AARSD1: variants seen among roughly 807,000 people sequenced by gnomAD.
AARSD1 encodes the protein alanyl-tRNA editing protein Aarsd1.
A neutral mutation model predicts 48.7 loss-of-function variants in AARSD1; 44 were observed. The observed-to-expected ratio is 0.90, with a 90% CI of 0.71 to 1.16. The LOEUF (loss-of-function observed/expected upper bound fraction) is 1.16. Among genes scored for constraint, AARSD1 ranks in the 50% most tolerant of loss-of-function variants. AARSD1 has a pLI of 0.00. For synonymous variants in AARSD1, 189 were observed against 194.9 expected (o/e 0.97, Z 0.25); for missense variants, 511 against 523.1 (o/e 0.98, Z 0.23).
At chr17:42,960,946 T>G (rs972937831) in intron 3 of AARSD1, 2 of 507,664 alleles carry the variant, frequency 3.9e-6, no homozygotes, top group Non-Finnish European at 6.3e-6. Flanking sequence ...GACATCCAGA[T>G]GGAGATATCG....
chr17:42,956,518 G>C lies in AARSD1; in HGVS notation c.432C>G (p.Pro144=), dbSNP rs763818872. 1 of 1,614,004 alleles carries C rather than the reference G, an allele frequency of 6.2e-7. No homozygotes were observed. The highest frequency in any genetic ancestry group is 2.2e-5 in the East Asian group (1 of 44,880). Residue 144 remains proline (P), a synonymous_variant, in exon 5 of 12, where the codon CCC becomes CCG. Transcript: ENST00000427569. ...RFRSAIELDT[P]SMTAEQVAAI... ...CAGCTACTTGCTCTGCAGTCATAGA[G>C]GGGGTGTCCAGCTCAATCGCACTCC...
At position 42,961,334 on chromosome 17, in the gene AARSD1, T is replaced by G; in HGVS notation, c.189A>C (p.Thr63=). The part of the protein sequence containing the change: ...EGGGQPDDRG[T]INDISVLRVT... ...CTCTCAGCACAGAGATGTCATTGAT[T>G]GTACCACGGTCATCAGGCTGGTGGA... Residue 63 remains threonine (T), a synonymous_variant, in exon 3 of 12, where the codon ACA becomes ACC. Transcript: ENST00000427569. 6.2e-7 allele frequency: 1 copy of G among 1,614,096 alleles called. No homozygotes were observed. Among genetic ancestry groups the G allele is most frequent in the Middle Eastern group, 1.6e-4 (1 of 6,062 alleles).
Position 42,957,191 on chromosome 17 carries a change from C to T in AARSD1, c.336G>A (p.Gln112=), listed in dbSNP as rs2049569843. 6 of 1,613,708 alleles carry T rather than the reference C, an allele frequency of 3.7e-6. No individual in the cohort carries two copies. Among genetic ancestry groups the T allele is most frequent in the Non-Finnish European group, 5.1e-6 (6 of 1,179,874 alleles). The change falls in exon 4 of 12, where the codon CAG becomes CAA. Residue 112 remains glutamine (Q), a synonymous_variant. Transcript: ENST00000427569. ...GGTCAGCAACTGCCGTGATGAGATG[C>T]TGCCCTAAGCAAAGAGAGCCAGAGA... ...RFDHMQQHSG[Q]HLITAVADHL...
Position 42,950,716 on chromosome 17 carries a change from G to C in AARSD1, c.1116C>G (p.Val372=), listed in dbSNP as rs367644499. Residue 372 remains valine (V), a synonymous_variant, in exon 12 of 12, where the codon GTC becomes GTG. Transcript: ENST00000427569. The part of the protein sequence containing the change: ...VETLGPRVAE[V]LEGKGAGKKG... ...TCTTCCCTGCTCCTTTGCCTTCCAG[G>C]ACCTCAGCCACCCTGGGGAACAGAG... The C allele has an allele frequency of 6.2e-7, 1 of 1,613,410 alleles. No homozygotes were observed. The highest frequency in any genetic ancestry group is 8.5e-7 in the Non-Finnish European group (1 of 1,179,940).
At chr17:42,955,560 T>A (rs2049537386) in intron 7 of AARSD1, 1 of 444,606 alleles carries the variant, frequency 2.2e-6, no homozygotes, top group Non-Finnish European at 4.0e-6. Flanking sequence ...TGCCTCAGCC[T>A]CTCGAGTAGC....
At chr17:42,961,990 G>A (rs1397020983) in intron 2 of AARSD1, among the ~76,000 whole-genome samples, 1 of 150,888 alleles carries the variant, frequency 6.6e-6, no homozygotes, top group African/African-American at 2.4e-5. Flanking sequence ...GTGACAGAGT[G>A]AGACACTGTC....
chr17:42,957,250 A>G (rs983661267), intron 3 of AARSD1, 55 bp from the exon 4 acceptor site: 82 of 1,602,336 alleles, frequency 5.1e-5, no homozygotes, highest in Non-Finnish European at 6.7e-5. Context: ...ATACTCCCAC[A>G]ATGATAAAAT....
chr17:42,956,981 T>TTG (rs1325949595), intron 4 of AARSD1, among the ~76,000 whole-genome samples, 157 bp downstream of exon 4: 1 of 149,462 alleles, frequency 6.7e-6, no homozygotes, highest in African/African-American at 2.5e-5. Context: ...TTTTTTTTTT[T>TTG]TTTAAGACAA....
At chr17:42,957,394 A>G (rs961449108) in intron 3 of AARSD1, 199 bp from the exon 4 acceptor site, 3 of 509,038 alleles carry the variant, frequency 5.9e-6, no homozygotes, top group African/African-American at 5.9e-5. Context: ...CATTTCACAG[A>G]TGAGGAAACT....
At chr17:42,959,334 G>T (rs1182104447) in intron 3 of AARSD1, among the ~76,000 whole-genome samples, 1 of 151,216 alleles carries the variant, frequency 6.6e-6, no homozygotes, top group African/African-American at 2.4e-5. Flanking sequence ...TTCTGCCTCA[G>T]CCTCCTGAGT....
At chr17:42,957,091 G>A in intron 4 of AARSD1, 47 bp downstream of exon 4, 2 of 1,602,426 alleles carry the variant, frequency 1.2e-6, no homozygotes, top group East Asian at 4.5e-5. Flanking sequence ...CTCCCTCCCA[G>A]TGCTGGGATG....
chr17:42,961,428 T>G lies in AARSD1; in HGVS notation c.172-77A>C. 1.9e-6 allele frequency: 3 copies of G among 1,592,682 alleles called. No individual in the cohort carries two copies. In the South Asian group the frequency reaches 3.4e-5, roughly 18 times the overall value. Reference sequence around the variant, plus strand: ...TTCTAGGTACAAAGACCCTCTAGGGTGAGAGACCCAGAATCTGGGCTCCCT... The same window carrying G: ...TTCTAGGTACAAAGACCCTCTAGGGGGAGAGACCCAGAATCTGGGCTCCCT... On this transcript the variant is annotated intron_variant, in intron 2 of 11. Transcript: ENST00000427569.
chr17:42,962,746 G>C (rs1368124683), intron 2 of AARSD1, among the ~76,000 whole-genome samples: 1 of 152,198 alleles, frequency 6.6e-6, no homozygotes, highest in Non-Finnish European at 1.5e-5. Flanking sequence ...AAGAACCTGA[G>C]TGGAGGCCAG....
intron 2 of AARSD1, among the ~76,000 whole-genome samples, chr17:42,963,558 C>T (rs994434884): frequency 1.3e-5 from 2 of 152,096 alleles, no homozygotes; most frequent in African/African-American, 4.8e-5. Context: ...GATAAATATG[C>T]TCTCTGCTGT....
intron 3 of AARSD1, among the ~76,000 whole-genome samples, chr17:42,958,427 A>T (rs1331595029): frequency 6.6e-6 from 1 of 151,802 alleles, no homozygotes; most frequent in Non-Finnish European, 1.5e-5. Flanking sequence ...CAGGGGTGGA[A>T]GTTGCAGTGA....
At chr17:42,954,752 T>A in intron 9 of AARSD1, 124 bp downstream of exon 9, 1 of 1,080,706 alleles carries the variant, frequency 9.3e-7, no homozygotes, top group African/African-American at 1.6e-5. Flanking sequence ...TTTCTTAGGA[T>A]CTACTCAACC....
At chr17:42,961,134 A>T in intron 3 of AARSD1, 58 bp downstream of exon 3, 1 of 1,548,662 alleles carries the variant, frequency 6.5e-7, no homozygotes, top group Non-Finnish European at 8.7e-7. Context: ...CTCAGTCATC[A>T]CAGCATCCCC....
chr17:42,960,134 T>C (rs2151942792), intron 3 of AARSD1, among the ~76,000 whole-genome samples: 1 of 151,378 alleles, frequency 6.6e-6, no homozygotes, highest in South Asian at 2.1e-4. Flanking sequence ...CCAGGCATGG[T>C]GGCACGCACC....
At chr17:42,951,062 A>G (rs886175928) in intron 11 of AARSD1, among the ~76,000 whole-genome samples, 5 of 152,088 alleles carry the variant, frequency 3.3e-5, no homozygotes, top group African/African-American at 1.2e-4. Flanking sequence ...GGAAGCTGAG[A>G]CAGGAGAATT....
Sources: allele counts gnomAD v4.1 joint callset (sites outside exome capture counted in the v4.1 genomes callset), GRCh38; gene constraint gnomAD v4.1.1; transcripts MANE v1.5; gene names NCBI Gene and HGNC (gene_info 2026-07-23, HGNC 2026-07-21).